EPHB1: variants seen among roughly 807,000 people sequenced by gnomAD.
EPHB1 encodes EPH receptor B1.
Under a neutral mutation model 94.4 loss-of-function variants are expected in EPHB1, and 30 were observed. The observed-to-expected ratio is 0.32, with a 90% confidence interval of 0.24 to 0.43. The LOEUF (loss-of-function observed/expected upper bound fraction) is 0.43, where lower values mean the gene tolerates loss of function less well. Ranked by LOEUF, EPHB1 falls within the 20% of genes least tolerant of loss-of-function variation. EPHB1 has a pLI of 1.00. For synonymous variants in EPHB1, 522 were observed against 489.1 expected, an observed-to-expected ratio of 1.07 and a Z score of -0.89; for missense variants, 1,055 against 1,308.3, an observed-to-expected ratio of 0.81 and a Z score of 2.99.
Position 135,259,968 on chromosome 3 carries a change from T to A in EPHB1, c.*848T>A, listed in dbSNP as rs1369910224. The A allele has an allele frequency of 4.3e-6, 1 of 231,712 alleles. No homozygotes were observed. Among genetic ancestry groups the A allele is most frequent in the Non-Finnish European group, 8.6e-6 (1 of 116,910 alleles). 14.4% of individuals were successfully genotyped at this position (231,712 alleles called of 1,614,324 possible). ...AATCCAAAGGGGCTGGAATATGGTG[T>A]TGGTTTGGCTTTCTGGTTGGCCCAA... On this transcript the variant is annotated 3_prime_UTR_variant, in exon 16 of 16. Transcript: ENST00000398015.
chr3:135,162,673 G>T (rs1206516368), intron 7 of EPHB1, among the ~76,000 whole-genome samples: 1 of 152,172 alleles, frequency 6.6e-6, no homozygotes, highest in Non-Finnish European at 1.5e-5. Context: ...GTGACCCCCA[G>T]TATGTCCTGC....
intron 1 of EPHB1, among the ~76,000 whole-genome samples, chr3:134,801,613 C>T (rs771929421): frequency 6.6e-5 from 10 of 152,196 alleles, no homozygotes; most frequent in Non-Finnish European, 1.0e-4. Context: ...ACAGAGCATT[C>T]GATGTCTGCC....
chr3:134,920,715 C>G (rs1365055397), intron 1 of EPHB1, among the ~76,000 whole-genome samples: 1 of 152,108 alleles, frequency 6.6e-6, no homozygotes, highest in African/African-American at 2.4e-5. Flanking sequence ...GTCAGTATAT[C>G]CAAAGGTGCC....
intron 5 of EPHB1, among the ~76,000 whole-genome samples, chr3:135,153,280 C>G (rs1397772551): frequency 1.3e-5 from 2 of 152,134 alleles, no homozygotes; most frequent in African/African-American, 4.8e-5. Context: ...ACGGAACAGC[C>G]CCTGAGCAGA....
At chr3:135,128,780 G>A (rs757003642) in intron 4 of EPHB1, among the ~76,000 whole-genome samples, 4 of 152,144 alleles carry the variant, frequency 2.6e-5, no homozygotes, top group Non-Finnish European at 4.4e-5. Flanking sequence ...AAAGAATGCC[G>A]GGAGTATTAG....
intron 3 of EPHB1, among the ~76,000 whole-genome samples, chr3:134,954,530 G>A (rs1933167589): frequency 6.6e-6 from 1 of 152,158 alleles, no homozygotes; most frequent in African/African-American, 2.4e-5. Context: ...TTGCAGGTGA[G>A]ACACAGTGAG....
At chr3:134,831,852 G>A (rs950373773) in intron 1 of EPHB1, among the ~76,000 whole-genome samples, 10 of 152,226 alleles carry the variant, frequency 6.6e-5, no homozygotes, top group African/African-American at 2.4e-4. Flanking sequence ...ACCCTATTGA[G>A]GGAGAACTGA....
intron 1 of EPHB1, among the ~76,000 whole-genome samples, chr3:134,912,118 C>G (rs887677229): frequency 6.6e-6 from 1 of 152,198 alleles, no homozygotes; most frequent in Non-Finnish European, 1.5e-5. Flanking sequence ...TTTGCATGGG[C>G]GTGCAGGCTC....
At chr3:134,873,667 G>A (rs1401662877) in intron 1 of EPHB1, among the ~76,000 whole-genome samples, 2 of 152,190 alleles carry the variant, frequency 1.3e-5, no homozygotes, top group Non-Finnish European at 1.5e-5. Flanking sequence ...GAGAAGCAGG[G>A]TTTGCACGGT....
intron 1 of EPHB1, among the ~76,000 whole-genome samples, chr3:134,911,393 G>A (rs1357538166): frequency 1.3e-5 from 2 of 152,116 alleles, no homozygotes; most frequent in Non-Finnish European, 2.9e-5. Context: ...CCAAGGCTGG[G>A]CAGTTAGGCA....
At chr3:134,931,963 G>C (rs2107705140) in intron 2 of EPHB1, among the ~76,000 whole-genome samples, 1 of 151,956 alleles carries the variant, frequency 6.6e-6, no homozygotes, top group Non-Finnish European at 1.5e-5. Context: ...GAATATATAT[G>C]AATGTATATA....
intron 5 of EPHB1, among the ~76,000 whole-genome samples, chr3:135,139,630 G>A (rs985272325): frequency 6.6e-6 from 1 of 152,182 alleles, no homozygotes; most frequent in Admixed American, 6.5e-5. Flanking sequence ...GGGATCAGAG[G>A]CCCAGAAAAG....
At chr3:135,128,103 G>C (rs561195373) in intron 4 of EPHB1, among the ~76,000 whole-genome samples, 1 of 152,354 alleles carries the variant, frequency 6.6e-6, no homozygotes, top group African/African-American at 2.4e-5. Context: ...ATGAGGAAGA[G>C]CATGGAGCTT....
chr3:135,239,148 C>A (rs1943719431), intron 12 of EPHB1, among the ~76,000 whole-genome samples: 1 of 152,204 alleles, frequency 6.6e-6, no homozygotes, highest in Admixed American at 6.5e-5. Context: ...AAAAGCCTGC[C>A]ACCATCCTCA....
chr3:134,949,442 G>C (rs1327041648), intron 2 of EPHB1, among the ~76,000 whole-genome samples: 1 of 151,966 alleles, frequency 6.6e-6, no homozygotes, highest in Non-Finnish European at 1.5e-5. Context: ...CCTGTTTTTT[G>C]GTTTCCTTCA....
At chr3:134,974,552 G>A (rs1934107321) in intron 3 of EPHB1, among the ~76,000 whole-genome samples, 1 of 150,384 alleles carries the variant, frequency 6.6e-6, no homozygotes, top group Admixed American at 6.6e-5. Flanking sequence ...TGCATAGCGT[G>A]CTGTGTCCCC....
At chr3:135,169,693 A>G (rs1941749186) in intron 9 of EPHB1, among the ~76,000 whole-genome samples, 1 of 152,186 alleles carries the variant, frequency 6.6e-6, no homozygotes, top group Non-Finnish European at 1.5e-5. Context: ...GTAAGGGGTT[A>G]GGGAACTCCC....
At chr3:134,983,389 T>G (rs186129285) in intron 3 of EPHB1, among the ~76,000 whole-genome samples, 3 of 152,386 alleles carry the variant, frequency 2.0e-5, no homozygotes, top group African/African-American at 7.2e-5. Context: ...TCTGCATGTG[T>G]GACTAATTAC....
At chr3:134,854,325 G>A (rs542646060) in intron 1 of EPHB1, among the ~76,000 whole-genome samples, 2 of 152,246 alleles carry the variant, frequency 1.3e-5, no homozygotes, top group African/African-American at 2.4e-5. Context: ...GAAAGGAGCC[G>A]TTTGGGAGGA....
Sources: gnomAD v4.1 joint callset for allele counts (sites outside exome capture counted in the v4.1 genomes callset) on GRCh38, gnomAD v4.1.1 for gene constraint, MANE v1.5 for transcripts, NCBI Gene and HGNC (gene_info 2026-07-23, HGNC 2026-07-21) for gene names.